EDIL3: variants seen among roughly 807,000 people sequenced by gnomAD.
EDIL3 encodes EGF like and discoidin domains 3.
A neutral mutation model predicts 67.4 loss-of-function variants in EDIL3; 37 were observed. That is an observed-to-expected ratio of 0.55 (90% CI 0.42 to 0.72). EDIL3 has a LOEUF of 0.72. Among genes scored for constraint, EDIL3 ranks in the 30% least tolerant of loss-of-function variants. The pLI, the probability that EDIL3 is intolerant of heterozygous loss-of-function variation, is 0.00. For synonymous variants in EDIL3, 195 were observed against 196.3 expected (o/e 0.99, Z 0.05); for missense variants, 527 against 586.3 (o/e 0.90, Z 1.04).
At chr5:84,345,859 A>C (rs1747226970) in intron 1 of EDIL3, among the ~76,000 whole-genome samples, 1 of 152,164 alleles carries the variant, frequency 6.6e-6, no homozygotes, top group Admixed American at 6.5e-5. Context: ...AAACTTCTAA[A>C]AATAGGTACA....
chr5:84,287,557 T>C (rs1235395771), intron 1 of EDIL3, among the ~76,000 whole-genome samples: 1 of 152,156 alleles, frequency 6.6e-6, no homozygotes, highest in African/African-American at 2.4e-5. Context: ...CTACACAAGC[T>C]TAATGAACAT....
chr5:84,270,196 A>G (rs1429247247), intron 1 of EDIL3, among the ~76,000 whole-genome samples: 1 of 152,200 alleles, frequency 6.6e-6, no homozygotes, highest in African/African-American at 2.4e-5. Context: ...AAAAACTCAC[A>G]ACCTATAAAA....
At chr5:84,300,276 C>A (rs546830613) in intron 1 of EDIL3, among the ~76,000 whole-genome samples, 1 of 152,298 alleles carries the variant, frequency 6.6e-6, no homozygotes, top group East Asian at 1.9e-4. Flanking sequence ...CATCCCCTCT[C>A]CTCTGAATTG....
chr5:83,952,065 A>G (rs1013013323), intron 10 of EDIL3, among the ~76,000 whole-genome samples: 12 of 151,802 alleles, frequency 7.9e-5, no homozygotes, highest in African/African-American at 2.9e-4. Context: ...GTTTTCTTGC[A>G]TAACTTTGGC....
intron 6 of EDIL3, among the ~76,000 whole-genome samples, chr5:84,088,914 T>C (rs1747117703): frequency 6.6e-6 from 1 of 152,000 alleles, no homozygotes; most frequent in Admixed American, 6.6e-5. Context: ...AACCAACATA[T>C]GATATAAAAA....
intron 4 of EDIL3, among the ~76,000 whole-genome samples, chr5:84,148,972 C>CAAAAAAAAAAAAAAAAAAAAACCAA: frequency 1.1e-5 from 1 of 87,064 alleles, no homozygotes; most frequent in South Asian, 3.9e-4. Context: ...ACAAAAACGA[C>CAAAAAAAAAAAAAAAAAAAAACCAA]AAAAAAAAAA....
intron 3 of EDIL3, among the ~76,000 whole-genome samples, chr5:84,200,649 C>T (rs1312371802): frequency 2.6e-5 from 4 of 151,862 alleles, no homozygotes; most frequent in African/African-American, 7.3e-5. Context: ...TTTGTTTTAA[C>T]AAAACTAATT....
chr5:84,109,232 G>T (rs549215123), intron 5 of EDIL3, among the ~76,000 whole-genome samples: 11 of 152,136 alleles, frequency 7.2e-5, no homozygotes, highest in Non-Finnish European at 8.8e-5. Context: ...CAAGCTGGGC[G>T]CAGTGGCTCA....
rs906008311 is a variant in EDIL3 at position 83,971,100 on chromosome 5, T to C, written c.1138-7740A>G. ...ATTCTCAGAGAGTTTCTCCATTCTGTCCTTAATATTATAGATTTATTTTTG... is the reference window on the plus strand; with the variant it reads ...ATTCTCAGAGAGTTTCTCCATTCTGCCCTTAATATTATAGATTTATTTTTG... On this transcript the variant is annotated intron_variant, in intron 9 of 10. Transcript: ENST00000296591. 4.6e-5 allele frequency among the ~76,000 whole-genome samples: 7 copies of C among 151,762 alleles called. 1 individual carries two copies. Among genetic ancestry groups the C allele is most frequent in the Admixed American group, 3.3e-4 (5 of 15,224 alleles).
chr5:83,993,212 A>T (rs1254350577), intron 9 of EDIL3, among the ~76,000 whole-genome samples: 1 of 152,142 alleles, frequency 6.6e-6, no homozygotes, highest in Non-Finnish European at 1.5e-5. Context: ...TTGCTCTGTC[A>T]TCCAGGATAG....
chr5:84,232,518 G>A (rs1392293658), intron 2 of EDIL3, among the ~76,000 whole-genome samples: 1 of 152,154 alleles, frequency 6.6e-6, no homozygotes, highest in Non-Finnish European at 1.5e-5. Context: ...TTTAGTAAGA[G>A]TCATAGTAAT....
intron 9 of EDIL3, among the ~76,000 whole-genome samples, chr5:84,023,144 T>C (rs1013621892): frequency 2.6e-5 from 4 of 152,034 alleles, no homozygotes. Context: ...GTGATGATGA[T>C]GGATGTGTTA....
intron 4 of EDIL3, among the ~76,000 whole-genome samples, chr5:84,167,400 T>G (rs998956076): frequency 6.6e-6 from 1 of 152,088 alleles, no homozygotes; most frequent in Non-Finnish European, 1.5e-5. Flanking sequence ...CTTTTCCTCC[T>G]TCTCTCCCTG....
intron 6 of EDIL3, 95 bp from the exon 7 acceptor site, chr5:84,066,701 A>C: frequency 7.0e-7 from 1 of 1,428,532 alleles, no homozygotes. Flanking sequence ...GTTAATGCAG[A>C]TTAATAATAA....
chr5:83,963,745 A>G (rs1177649875), intron 9 of EDIL3, among the ~76,000 whole-genome samples: 1 of 148,446 alleles, frequency 6.7e-6, no homozygotes, highest in Non-Finnish European at 1.5e-5. Context: ...AACTTTACTT[A>G]TAGTTCAATT....
intron 5 of EDIL3, among the ~76,000 whole-genome samples, chr5:84,107,581 T>C (rs1230647800): frequency 1.3e-5 from 2 of 151,658 alleles, no homozygotes; most frequent in East Asian, 1.9e-4. Context: ...ATTCTGCATG[T>C]ATATCTTCAC....
chr5:84,064,365 AC>A (rs1262197139), intron 8 of EDIL3, among the ~76,000 whole-genome samples: 2 of 152,118 alleles, frequency 1.3e-5, no homozygotes, highest in Non-Finnish European at 2.9e-5. Flanking sequence ...TTTTTACTAA[AC>A]TTTTTGTCGG....
chr5:84,179,514 T>C (rs955838532), intron 4 of EDIL3, among the ~76,000 whole-genome samples: 2 of 152,176 alleles, frequency 1.3e-5, no homozygotes, highest in African/African-American at 2.4e-5. Context: ...AGGCACTCTG[T>C]TTTTTGCTGG....
intron 1 of EDIL3, among the ~76,000 whole-genome samples, chr5:84,322,565 C>A (rs930643601): frequency 6.6e-6 from 1 of 151,910 alleles, no homozygotes; most frequent in African/African-American, 2.4e-5. Context: ...TGAACAGAAC[C>A]TATGAAACAG....
Sources: allele counts gnomAD v4.1 joint callset (sites outside exome capture counted in the v4.1 genomes callset), GRCh38; gene constraint gnomAD v4.1.1; transcripts MANE v1.5; gene names NCBI Gene and HGNC (gene_info 2026-07-23, HGNC 2026-07-21).